CPZ: variants seen among roughly 807,000 people sequenced by gnomAD.
CPZ encodes the protein carboxypeptidase Z.
A neutral mutation model predicts 61.8 loss-of-function variants in CPZ; 103 were observed. The ratio of observed to expected loss-of-function variants is 1.67; its 90% CI spans 1.42 to 1.96. The LOEUF (loss-of-function observed/expected upper bound fraction) is 1.96. Ranked by LOEUF, CPZ falls within the 30% of genes most tolerant of loss-of-function variation. The pLI is 0.00. For missense variants in CPZ, 1,461 were observed against 914.9 expected (o/e 1.60, Z -7.70); for synonymous variants, 551 against 373.7 (o/e 1.47, Z -5.47).
intron 10 of CPZ, 27 bp downstream of exon 10, chr4:8,618,555 G>T: frequency 1.2e-6 from 2 of 1,604,210 alleles, no homozygotes; most frequent in Non-Finnish European, 8.5e-7. Flanking sequence ...CTGTCCCCTG[G>T]GGACCACGTC....
Position 8,601,371 on chromosome 4 carries a change from G to A in CPZ, c.370G>A (p.Gly124Ser), listed in dbSNP as rs775424096. Residue 124 changes from glycine to serine, a missense_variant, in exon 3 of 11, where the codon GGC becomes AGC. Transcript: ENST00000360986. ...VRRPCRHICE[G>S]LREVCQPAFD... The stretch of plus-strand genomic sequence containing the variant: ...CAGACCCTGCCGGCACATCTGCGAG[G>A]GCCTGCGGGAGGTCTGCCAGCCCGC... The A allele has an allele frequency of 3.2e-5, 52 of 1,601,280 alleles. No individual in the cohort carries two copies. The highest frequency in any genetic ancestry group is 2.4e-4 in the South Asian group (22 of 89,902).
intron 1 of CPZ, among the ~76,000 whole-genome samples, chr4:8,598,841 G>A (rs1273933756): frequency 1.3e-5 from 2 of 152,218 alleles, no homozygotes; most frequent in African/African-American, 4.8e-5. Context: ...GAAACCCCAC[G>A]ATTGTGAGGA....
At chr4:8,609,233 G>GACTTAC (rs869045353) in intron 7 of CPZ, among the ~76,000 whole-genome samples, 694 of 24,364 alleles carry the variant, frequency 0.028, 3 homozygotes, top group South Asian at 0.094. Flanking sequence ...CTCACTCATT[G>GACTTAC]TCACTCATTC....
chr4:8,615,635 C>T (rs1029762455), intron 9 of CPZ, among the ~76,000 whole-genome samples: 1 of 152,130 alleles, frequency 6.6e-6, no homozygotes, highest in African/African-American at 2.4e-5. Context: ...GAGGTTCTGG[C>T]CTGGGGTCTC....
chr4:8,618,628 T>C, intron 10 of CPZ, 100 bp downstream of exon 10: 1 of 1,119,822 alleles, frequency 8.9e-7, no homozygotes, highest in Non-Finnish European at 1.3e-6. Context: ...TGCCCAGCCC[T>C]CAGCAGGATG....
intron 5 of CPZ, 98 bp downstream of exon 5, chr4:8,606,283 G>T: frequency 2.5e-6 from 3 of 1,222,950 alleles, no homozygotes; most frequent in Non-Finnish European, 3.4e-6. Flanking sequence ...CTTCGTTCCT[G>T]CCTCTCTAGG....
At position 8,619,477 on chromosome 4, in the gene CPZ, G is replaced by T. The variant is rs1205540215; in HGVS notation, c.1819G>T (p.Ala607Ser). The change falls in exon 11 of 11, where the codon GCC becomes TCC. Residue 607 changes from alanine (A) to serine (S), a missense_variant. Physicochemically the swap from Ala to Ser is moderately conservative, Grantham distance 99. Transcript: ENST00000360986. Reference sequence around the variant, plus strand: ...TGGGCCCCACGACCCACTGGGAGGTGCCAGCTCTTTGGGGGAGGCCACGGA... The same window carrying T: ...TGGGCCCCACGACCCACTGGGAGGTTCCAGCTCTTTGGGGGAGGCCACGGA... ...RTGPHDPLGG[A>S]SSLGEATEPD... 1.2e-6 allele frequency: 2 copies of T among 1,609,114 alleles called. No individual in the cohort carries two copies. The highest frequency in any genetic ancestry group is 1.7e-6 in the Non-Finnish European group (2 of 1,176,856).
At chr4:8,615,601 C>A (rs1232171936) in intron 9 of CPZ, among the ~76,000 whole-genome samples, 1 of 152,274 alleles carries the variant, frequency 6.6e-6, no homozygotes, top group South Asian at 2.1e-4. Flanking sequence ...GCAGACGGGG[C>A]CGTCCCATTT....
intron 1 of CPZ, 144 bp from the exon 2 acceptor site, chr4:8,599,309 C>A: frequency 1.1e-6 from 1 of 904,010 alleles, no homozygotes; most frequent in Non-Finnish European, 1.6e-6. Flanking sequence ...GCCTCAGGGG[C>A]TGCTGTGAAG....
chr4:8,617,935 A>C (rs1400329637), intron 9 of CPZ, among the ~76,000 whole-genome samples: 1 of 152,070 alleles, frequency 6.6e-6, no homozygotes, highest in Non-Finnish European at 1.5e-5. Flanking sequence ...AGGCCAGGCA[A>C]GCAGTAAGAA....
chr4:8,617,045 A>C (rs940143275), intron 9 of CPZ, among the ~76,000 whole-genome samples: 3 of 151,620 alleles, frequency 2.0e-5, no homozygotes, highest in African/African-American at 7.3e-5. Context: ...CTGGGTGCCC[A>C]CTCCCCTCTT....
chr4:8,609,163 T>TTAACTCAGCCATTCACTCACTCCCTCAC (rs1560298047), intron 7 of CPZ, among the ~76,000 whole-genome samples: 25 of 3,852 alleles, frequency 6.5e-3, no homozygotes, highest in Non-Finnish European at 9.8e-3. Context: ...CCCTCACTCA[T>TTAACTCAGCCATTCACTCACTCCCTCAC]TCACTCACCC....
At chr4:8,605,344 A>ATCCATCCATCCATCCATCCT (rs1714867297) in intron 4 of CPZ, among the ~76,000 whole-genome samples, 1 of 145,996 alleles carries the variant, frequency 6.8e-6, no homozygotes, top group South Asian at 2.1e-4. Context: ...CCATCCATCC[A>ATCCATCCATCCATCCATCCT]TCCATTTATT....
intron 7 of CPZ, among the ~76,000 whole-genome samples, chr4:8,608,428 T>C (rs1326943816): frequency 1.3e-5 from 2 of 152,174 alleles, no homozygotes; most frequent in African/African-American, 4.8e-5. Flanking sequence ...TGTTCTCCTT[T>C]CTGAGGCCAC....
chr4:8,609,738 G>T (rs976767073), intron 7 of CPZ, among the ~76,000 whole-genome samples: 1 of 152,246 alleles, frequency 6.6e-6, no homozygotes, highest in Non-Finnish European at 1.5e-5. Flanking sequence ...GTTCACCCCA[G>T]TGAGTCCCAT....
At chr4:8,600,499 G>A (rs1459677814) in intron 2 of CPZ, among the ~76,000 whole-genome samples, 3 of 152,220 alleles carry the variant, frequency 2.0e-5, no homozygotes, top group Non-Finnish European at 2.9e-5. Context: ...CTGCTAGGCC[G>A]ATGAGGGCCT....
In CPZ at chr4:8,606,164, CTA is replaced by C; in HGVS notation, c.887_888del (p.Tyr296Ter). 2 of 1,614,018 alleles carry C rather than the reference CTA, an allele frequency of 1.2e-6. No homozygotes were observed. Among genetic ancestry groups the C allele is most frequent in the Non-Finnish European group, 1.7e-6 (2 of 1,179,954 alleles). On this transcript the variant is annotated frameshift_variant, in exon 5 of 11. Transcript: ENST00000360986. LOFTEE classifies it high-confidence loss of function. ...HLLPSMNPDG[Y>X]EVAAAEGAGY... ...TGCTGCCCTCCATGAACCCTGACGG[CTA>C]TGAGGTGGCAGCTGCCGAGGTGAGC...
intron 7 of CPZ, among the ~76,000 whole-genome samples, chr4:8,609,960 C>T (rs915684967): frequency 6.6e-6 from 1 of 152,164 alleles, no homozygotes; most frequent in African/African-American, 2.4e-5. Flanking sequence ...TGCCTGGGGA[C>T]AGTGTTCAAG....
At chr4:8,615,344 G>A (rs909958065) in intron 9 of CPZ, among the ~76,000 whole-genome samples, 6 of 152,208 alleles carry the variant, frequency 3.9e-5, no homozygotes, top group African/African-American at 1.4e-4. Context: ...CACACCGAGG[G>A]TGCTGGGGAC....
Sources: allele counts gnomAD v4.1 joint callset (sites outside exome capture counted in the v4.1 genomes callset), GRCh38; gene constraint gnomAD v4.1.1; transcripts MANE v1.5; gene names NCBI Gene and HGNC (gene_info 2026-07-23, HGNC 2026-07-21).